Variants in PDE4D observed in about 807,000 individuals in gnomAD.
PDE4D encodes the protein 3',5'-cyclic-AMP phosphodiesterase 4D.
Under a neutral mutation model 87.4 loss-of-function variants are expected in PDE4D, and 24 were observed. That is an observed-to-expected ratio of 0.27 (90% CI 0.20 to 0.39). The LOEUF is 0.39. Among genes scored for constraint, PDE4D ranks in the 10% least tolerant of loss-of-function variants. The pLI is 1.00. For synonymous variants in PDE4D, 384 were observed against 383.2 expected (o/e 1.00, Z -0.02); for missense variants, 714 against 1,041.0 (o/e 0.69, Z 4.32).
chr5:60,034,140 T>C (rs991187454), intron 2 of PDE4D, among the ~76,000 whole-genome samples: 2 of 152,146 alleles, frequency 1.3e-5, no homozygotes, highest in African/African-American at 2.4e-5. Flanking sequence ...AAAGCAGATA[T>C]GTAAAGGCAA....
At chr5:59,808,596 G>T (rs1034323958) in intron 1 of PDE4D, among the ~76,000 whole-genome samples, 1 of 152,040 alleles carries the variant, frequency 6.6e-6, no homozygotes, top group Non-Finnish European at 1.5e-5. Flanking sequence ...GTGTGTGTGT[G>T]TGTGTTTGTG....
intron 1 of PDE4D, among the ~76,000 whole-genome samples, chr5:60,329,576 G>C (rs1334353790): frequency 1.3e-5 from 2 of 152,184 alleles, no homozygotes; most frequent in Non-Finnish European, 2.9e-5. Context: ...GACTCTATGA[G>C]AGCAGAGGTA....
chr5:60,368,808 G>A (rs1760773236), intron 1 of PDE4D, among the ~76,000 whole-genome samples: 1 of 152,074 alleles, frequency 6.6e-6, no homozygotes, highest in Admixed American at 6.6e-5. Flanking sequence ...CCATCCAAGT[G>A]AAGATGTGCC....
intron 1 of PDE4D, among the ~76,000 whole-genome samples, chr5:59,880,855 A>G (rs1157366484): frequency 1.3e-5 from 2 of 152,166 alleles, no homozygotes; most frequent in Non-Finnish European, 2.9e-5. Context: ...TGCTATAGTG[A>G]GATTATTGAG....
At chr5:59,441,494 C>T (rs1214220072) in intron 1 of PDE4D, among the ~76,000 whole-genome samples, 1 of 152,160 alleles carries the variant, frequency 6.6e-6, no homozygotes, top group Non-Finnish European at 1.5e-5. Flanking sequence ...TTTGGCAGTT[C>T]CGAAGACATC....
chr5:59,996,197 C>T (rs1763512415), intron 2 of PDE4D, among the ~76,000 whole-genome samples: 1 of 152,120 alleles, frequency 6.6e-6, no homozygotes, highest in Non-Finnish European at 1.5e-5. Flanking sequence ...TTCAGTGAGC[C>T]TACACTATGC....
At chr5:59,476,672 C>T (rs1278155269) in intron 1 of PDE4D, among the ~76,000 whole-genome samples, 1 of 152,052 alleles carries the variant, frequency 6.6e-6, no homozygotes, top group Non-Finnish European at 1.5e-5. Flanking sequence ...GCCCATCTGA[C>T]ACTGCATTTA....
At chr5:59,611,377 G>A (rs1219112770) in intron 1 of PDE4D, among the ~76,000 whole-genome samples, 1 of 152,126 alleles carries the variant, frequency 6.6e-6, no homozygotes, top group Non-Finnish European at 1.5e-5. Context: ...TATTGGGGGT[G>A]AGGATTTCAA....
intron 1 of PDE4D, among the ~76,000 whole-genome samples, chr5:59,254,566 G>A (rs1404136493): frequency 6.6e-6 from 1 of 151,954 alleles, no homozygotes; most frequent in Admixed American, 6.6e-5. Context: ...AGAAGCCCCT[G>A]GCCTGACCAA....
chr5:60,515,371 T>C (rs1005323655), intron 1 of PDE4D, among the ~76,000 whole-genome samples: 4 of 152,256 alleles, frequency 2.6e-5, no homozygotes, highest in Admixed American at 6.5e-5. Flanking sequence ...TTATAATAAA[T>C]AGTCTTTCTA....
At chr5:59,186,800 G>A (rs886129035) in intron 3 of PDE4D, among the ~76,000 whole-genome samples, 1 of 152,106 alleles carries the variant, frequency 6.6e-6, no homozygotes, top group Non-Finnish European at 1.5e-5. Context: ...AACAACCCAC[G>A]GCTCTGAAAG....
At chr5:59,729,625 AT>A (rs35593639) in intron 1 of PDE4D, among the ~76,000 whole-genome samples, 4 of 150,962 alleles carry the variant, frequency 2.6e-5, no homozygotes, top group South Asian at 2.1e-4. Flanking sequence ...TGACTTGAGT[AT>A]TTTTTTTTCA....
intron 1 of PDE4D, among the ~76,000 whole-genome samples, chr5:59,288,630 AAAG>A (rs1227835749): frequency 6.6e-6 from 1 of 152,120 alleles, no homozygotes; most frequent in African/African-American, 2.4e-5. Flanking sequence ...GATATAACCC[AAAG>A]AAGACTAGCT....
In PDE4D at chr5:59,167,431, T is replaced by C. The variant is rs1426654816; in HGVS notation, c.808+13164A>G. The stretch of plus-strand genomic sequence containing the variant: ...AGGTATCTTACTTGTCATTCAACTC[T>C]GAGGTCTCGGTTTCACGACCAGTTC... On this transcript the variant is annotated intron_variant, in intron 5 of 14. Transcript: ENST00000340635. Among the ~76,000 whole-genome samples the C allele has an allele frequency of 2.0e-5, 3 of 152,244 alleles. No individual in the cohort carries two copies. In the East Asian group the frequency reaches 5.8e-4, roughly 29 times the overall value.
At chr5:60,373,724 A>G (rs1336294711) in intron 1 of PDE4D, among the ~76,000 whole-genome samples, 1 of 152,200 alleles carries the variant, frequency 6.6e-6, no homozygotes, top group Non-Finnish European at 1.5e-5. Context: ...GGCCTAATCA[A>G]CAGGGCTGCA....
At chr5:59,803,597 C>T (rs754901373) in intron 1 of PDE4D, among the ~76,000 whole-genome samples, 3 of 152,174 alleles carry the variant, frequency 2.0e-5, no homozygotes, top group Non-Finnish European at 2.9e-5. Flanking sequence ...CCGCACCTGG[C>T]CCCAGCAATG....
intron 1 of PDE4D, among the ~76,000 whole-genome samples, chr5:59,292,915 C>T (rs2153556394): frequency 6.6e-6 from 1 of 152,202 alleles, no homozygotes; most frequent in East Asian, 1.9e-4. Flanking sequence ...CCAGATAGTG[C>T]CCTATTTCCT....
chr5:60,295,701 G>A (rs1158937621), intron 1 of PDE4D, among the ~76,000 whole-genome samples: 3 of 152,134 alleles, frequency 2.0e-5, no homozygotes, highest in African/African-American at 7.2e-5. Context: ...CTAAACTGAG[G>A]CAGCAAGTCA....
intron 5 of PDE4D, among the ~76,000 whole-genome samples, chr5:59,133,474 A>G (rs939705247): frequency 1.3e-5 from 2 of 152,202 alleles, no homozygotes; most frequent in Non-Finnish European, 2.9e-5. Flanking sequence ...AACTCAAGCA[A>G]CAGAAGACAC....
Sources: gnomAD v4.1 joint callset for allele counts (sites outside exome capture counted in the v4.1 genomes callset) on GRCh38, gnomAD v4.1.1 for gene constraint, MANE v1.5 for transcripts, NCBI Gene and HGNC (gene_info 2026-07-23, HGNC 2026-07-21) for gene names.